Variants in EPS15L1 observed in about 807,000 individuals in gnomAD.
The protein encoded by EPS15L1 is epidermal growth factor receptor pathway substrate 15 like 1.
Under a neutral mutation model 117.1 loss-of-function variants are expected in EPS15L1, and 43 were observed. That is an observed-to-expected ratio of 0.37 (90% CI 0.29 to 0.47). EPS15L1 has a LOEUF of 0.47. Among genes scored for constraint, EPS15L1 ranks in the 20% least tolerant of loss-of-function variants. EPS15L1 has a pLI of 0.99. For missense variants in EPS15L1, 981 were observed against 1,164.0 expected (o/e 0.84, Z 2.29); for synonymous variants, 459 against 470.5 (o/e 0.98, Z 0.32).
chr19:16,401,798 G>A, intron 16 of EPS15L1: 1 of 985,934 alleles, frequency 1.0e-6, no homozygotes, highest in Middle Eastern at 5.2e-4. Flanking sequence ...AAAATTTCAG[G>A]AGAGGCCAAT....
chr19:16,425,250 T>C lies in EPS15L1; in HGVS notation c.625A>G (p.Ile209Val), dbSNP rs769457784. The part of the protein sequence containing the change: ...PVPSALPPSL[I>V]PPSKRKKTVF... ...GTCTTCTTTCTCTTGGAGGGTGGGA[T>C]GAGGGACGGGGGCAGGGCGGAGGGC... is the stretch of plus-strand genomic sequence containing the variant. Residue 209 changes from isoleucine (I) to valine (V), a missense_variant, in exon 9 of 24, where the codon ATC becomes GTC. Transcript: ENST00000455140. 4 of 1,383,164 alleles carry C rather than the reference T, an allele frequency of 2.9e-6. No individual in the cohort carries two copies. In the African/African-American group the frequency reaches 4.8e-5, roughly 17 times the overall value. 85.7% of individuals were successfully genotyped at this position (1,383,164 alleles called of 1,614,324 possible).
At chr19:16,377,000 T>A in intron 22 of EPS15L1, 122 bp downstream of exon 22, 1 of 1,294,536 alleles carries the variant, frequency 7.7e-7, no homozygotes, top group Non-Finnish European at 1.1e-6. Flanking sequence ...GGGGACCCTC[T>A]TGCTCCCCAC....
In EPS15L1 at chr19:16,361,900, C is replaced by T. The variant is rs1281511792; in HGVS notation, c.2465G>A (p.Gly822Asp). The change falls in exon 23 of 24, where the codon GGC (glycine) becomes GAC (aspartate). Residue 822 changes from glycine to aspartate, a missense_variant. Physicochemically the swap from Gly to Asp is moderately conservative, Grantham distance 94 (BLOSUM62 -1). Around this residue, in one of 5 missense-constraint regions of EPS15L1, gnomAD observed 819 missense variants for 949.0 expected, o/e 0.86. Coordinates refer to ENST00000455140, the MANE Select transcript of EPS15L1 (RefSeq NM_001258374.3). ...CCCCTTTTTACTTTGGAACGGGTCG[C>T]CGCTGTCAGCCCCGAGTGGCTGGAA... ...DPFQPLGADS[G>D]DPFQSKKGFG... 1.9e-6 allele frequency: 3 copies of T among 1,614,118 alleles called. No individual in the cohort carries two copies. The Admixed American group carries it at 5.0e-5, about 27-fold the overall frequency.
chr19:16,459,410 C>G (rs1261390331), intron 1 of EPS15L1, among the ~76,000 whole-genome samples: 1 of 152,184 alleles, frequency 6.6e-6, no homozygotes, highest in Non-Finnish European at 1.5e-5. Context: ...GTGGAGGGAT[C>G]ACGCTGTGCC....
chr19:16,379,171 G>A (rs757662954), intron 21 of EPS15L1, among the ~76,000 whole-genome samples: 1 of 152,194 alleles, frequency 6.6e-6, no homozygotes, highest in African/African-American at 2.4e-5. Flanking sequence ...CGGTCGTGGT[G>A]GCGGGCGCCT....
intron 19 of EPS15L1, among the ~76,000 whole-genome samples, chr19:16,391,565 A>C (rs1000287722): frequency 6.6e-6 from 1 of 150,718 alleles, no homozygotes; most frequent in Non-Finnish European, 1.5e-5. Context: ...AAACGGAAGA[A>C]GGCTATGAAG....
chr19:16,416,069 A>T (rs1388654182), intron 12 of EPS15L1, among the ~76,000 whole-genome samples: 2 of 152,172 alleles, frequency 1.3e-5, no homozygotes, highest in African/African-American at 4.8e-5. Context: ...ACCCACCTTG[A>T]TCCCCTCCAA....
chr19:16,404,453 G>A lies in EPS15L1; in HGVS notation c.1428+135C>T, dbSNP rs535393089. 6.0e-4 allele frequency: 585 copies of A among 981,870 alleles called. 2 individuals are homozygous for A. The highest frequency in any genetic ancestry group is 3.5e-3 in the South Asian group (215 of 62,248). The allele number at this position is 981,870 out of a possible 1,614,324, so 60.8% of individuals were successfully genotyped here. On this transcript the variant is annotated intron_variant, in intron 14 of 23. Coordinates refer to ENST00000455140, the MANE Select transcript of EPS15L1 (RefSeq NM_001258374.3). This position sits in a 1 kb window ranked among gnomAD's most constrained non-coding sequence, Gnocchi z 4.2. ...CACAGGTGCTTGGACACTTTTCCAC[G>A]TGGTGTTTGGAGGAACTCTATTGAC...
chr19:16,393,743 G>A (rs1023759693), intron 18 of EPS15L1, among the ~76,000 whole-genome samples: 2 of 152,020 alleles, frequency 1.3e-5, no homozygotes, highest in African/African-American at 4.8e-5. Flanking sequence ...CTCCAGGGTG[G>A]GGTGCGGGCA....
At chr19:16,437,531 G>A (rs1291575696) in intron 5 of EPS15L1, among the ~76,000 whole-genome samples, 1 of 152,128 alleles carries the variant, frequency 6.6e-6, no homozygotes, top group Non-Finnish European at 1.5e-5. Context: ...TCCTTGCGGA[G>A]GGATGAAAAA....
At chr19:16,462,752 G>T (rs2093265703) in intron 1 of EPS15L1, among the ~76,000 whole-genome samples, 1 of 152,208 alleles carries the variant, frequency 6.6e-6, no homozygotes, top group Non-Finnish European at 1.5e-5. Context: ...GAAGATGGTG[G>T]TGGGAGACAG....
chr19:16,443,765 G>A (rs2093054990), intron 1 of EPS15L1, among the ~76,000 whole-genome samples: 2 of 151,652 alleles, frequency 1.3e-5, no homozygotes, highest in African/African-American at 4.8e-5. Flanking sequence ...GTCTCTGGGG[G>A]ACGCCAACAC....
At position 16,385,121 on chromosome 19, in the gene EPS15L1, G is replaced by A; in HGVS notation, c.2247+8C>T. 1.2e-6 allele frequency: 2 copies of A among 1,612,854 alleles called. No homozygotes were observed. The highest frequency in any genetic ancestry group is 2.2e-5 in the South Asian group (2 of 91,064). ...CAGAGGCGCGGGGGCTCCGTGGAGG[G>A]GCTTTACCTTGGACATCTGGCTGAA... On this transcript the variant is annotated splice_region_variant and intron_variant, in intron 21 of 23. Coordinates refer to ENST00000455140, the MANE Select transcript of EPS15L1 (RefSeq NM_001258374.3).
chr19:16,441,671 C>T (rs1023627964), intron 3 of EPS15L1: 4 of 402,646 alleles, frequency 9.9e-6, no homozygotes, highest in Non-Finnish European at 1.8e-5. Flanking sequence ...CTATCAAGAC[C>T]CCAAAAGTAC....
At chr19:16,417,527 G>A in intron 12 of EPS15L1, 25 bp downstream of exon 12, 1 of 1,591,518 alleles carries the variant, frequency 6.3e-7, no homozygotes, top group South Asian at 1.1e-5. Flanking sequence ...TCTGGATGTG[G>A]AGGGAAGGGC....
At chr19:16,448,825 G>A (rs1202913605) in intron 1 of EPS15L1, among the ~76,000 whole-genome samples, 13 of 151,248 alleles carry the variant, frequency 8.6e-5, no homozygotes, top group Admixed American at 2.6e-4. Flanking sequence ...GCAAGACTCC[G>A]TCTCAAAAAA....
At chr19:16,384,633 C>T (rs557168378) in intron 21 of EPS15L1, among the ~76,000 whole-genome samples, 124 of 150,760 alleles carry the variant, frequency 8.2e-4, no homozygotes, top group Non-Finnish European at 1.3e-3. Context: ...TCGCTGCTGT[C>T]CTCCTTCAAC....
intron 12 of EPS15L1, among the ~76,000 whole-genome samples, chr19:16,415,873 C>T (rs2092753626): frequency 6.6e-6 from 1 of 152,252 alleles, no homozygotes; most frequent in African/African-American, 2.4e-5. Context: ...CAGGCCTGCC[C>T]AGGCTCTAGG....
chr19:16,457,472 G>A (rs2093208722), intron 1 of EPS15L1, among the ~76,000 whole-genome samples: 1 of 152,206 alleles, frequency 6.6e-6, no homozygotes, highest in Admixed American at 6.5e-5. Flanking sequence ...CCGCACCAAA[G>A]CAGTGCCAGA....
Sources: allele counts gnomAD v4.1 joint callset (sites outside exome capture counted in the v4.1 genomes callset), GRCh38; gene constraint gnomAD v4.1.1; regional missense constraint gnomAD v4.1.1; non-coding constraint Gnocchi (gnomAD v3.1); transcripts MANE v1.5; gene names NCBI Gene and HGNC (gene_info 2026-07-23, HGNC 2026-07-21).